The following CDK15 variants were observed in gnomAD, a reference collection of about 807,000 sequenced individuals.
CDK15 encodes cyclin-dependent kinase 15.
A neutral mutation model predicts 60.3 loss-of-function variants in CDK15; 62 were observed. That is an observed-to-expected ratio of 1.03 (90% CI 0.84 to 1.27). CDK15 has a LOEUF of 1.27. Among genes scored for constraint, CDK15 ranks in the 50% most tolerant of loss-of-function variants. The probability of loss-of-function intolerance (pLI) is 0.00; values close to 1 mark genes in which losing one functional copy is unlikely to be tolerated. For missense variants in CDK15, 541 were observed against 527.8 expected (o/e 1.03, Z -0.25); for synonymous variants, 194 against 195.7 (o/e 0.99, Z 0.07).
intron 3 of CDK15, chr2:201,808,659 TA>T (rs1481149449): frequency 6.6e-6 from 1 of 152,194 alleles, no homozygotes; most frequent in Non-Finnish European, 1.5e-5. Context: ...CAATAGTGGT[TA>T]AATATTAATT....
chr2:201,850,193 G>A (rs1259943574), intron 9 of CDK15, among the ~76,000 whole-genome samples: 9 of 152,144 alleles, frequency 5.9e-5, no homozygotes, highest in Admixed American at 5.9e-4. Context: ...CCTACTGCTT[G>A]GGAGGCTGAG....
At chr2:201,821,427 A>G (rs967159) in intron 4 of CDK15, among the ~76,000 whole-genome samples, 37,076 of 151,900 alleles carry the variant, frequency 0.24, 4,813 homozygotes, top group East Asian at 0.41. Context: ...CAGGAGGGCA[A>G]AACGACAGAT....
chr2:201,847,700 A>T (rs937995229), intron 9 of CDK15, among the ~76,000 whole-genome samples: 3 of 152,130 alleles, frequency 2.0e-5, no homozygotes, highest in Admixed American at 2.0e-4. Context: ...TCACTGAATG[A>T]TGTTCAGGTC....
intron 10 of CDK15, among the ~76,000 whole-genome samples, chr2:201,856,908 C>A (rs1698163787): frequency 6.6e-6 from 1 of 152,058 alleles, no homozygotes; most frequent in Non-Finnish European, 1.5e-5. Context: ...TGCTTCCCTG[C>A]CAGATTGTGT....
intron 10 of CDK15, among the ~76,000 whole-genome samples, chr2:201,869,384 T>C (rs536533542): frequency 3.1e-5 from 2 of 65,188 alleles, no homozygotes; most frequent in African/African-American, 1.2e-4. Context: ...TGTCATGGGG[T>C]GGGGGGCAGG....
At chr2:201,814,174 G>C (rs955620580) in intron 4 of CDK15, among the ~76,000 whole-genome samples, 2 of 152,152 alleles carry the variant, frequency 1.3e-5, no homozygotes, top group African/African-American at 2.4e-5. Flanking sequence ...GAAACCTTTT[G>C]CCAGGTTTGC....
rs755364353 is a variant in CDK15, at chr2:201,893,678, C to T, written c.*411C>T. The T allele has an allele frequency of 2.6e-5, 4 of 152,110 alleles. No individual in the cohort carries two copies. Among genetic ancestry groups the T allele is most frequent in the Non-Finnish European group, 5.9e-5 (4 of 68,030 alleles). 9.4% of individuals were successfully genotyped at this position (152,110 alleles called of 1,614,324 possible). ...GAGACAGAGCTGGTGCTTACAGAGA[C>T]CTGCCACTCCTGTGTTCACTTACAA... On this transcript the variant is annotated 3_prime_UTR_variant, in exon 14 of 14. Coordinates refer to ENST00000652192, the MANE Select transcript of CDK15 (RefSeq NM_001366386.2).
intron 9 of CDK15, 39 bp from the exon 10 acceptor site, chr2:201,854,835 C>A: frequency 6.3e-7 from 1 of 1,588,998 alleles, no homozygotes; most frequent in Non-Finnish European, 8.6e-7. Flanking sequence ...CCTCATCTCC[C>A]CACCTCACCT....
At chr2:201,811,511 G>C (rs1175582643) in intron 3 of CDK15, among the ~76,000 whole-genome samples, 2 of 152,186 alleles carry the variant, frequency 1.3e-5, no homozygotes, top group Admixed American at 6.5e-5. Flanking sequence ...TAAGAGAAAA[G>C]TTACATGGAG....
rs1255405168 is a variant in CDK15, at chr2:201,892,201, T to C, written c.*34-1100T>C. 2.0e-5 allele frequency among the ~76,000 whole-genome samples: 3 copies of C among 152,218 alleles called. No individual in the cohort carries two copies. The East Asian group carries it at 5.8e-4, about 29-fold the overall frequency. ...AATTACAATTGGTGATATAATATGGTATTTCCCAAGCAAAATATTCTCTAG... is the reference window on the plus strand; with the variant it reads ...AATTACAATTGGTGATATAATATGGCATTTCCCAAGCAAAATATTCTCTAG... On this transcript the variant is annotated intron_variant, in intron 13 of 13. Transcript: ENST00000652192.
intron 10 of CDK15, chr2:201,860,610 T>C (rs1698348383): frequency 2.1e-6 from 2 of 956,592 alleles, no homozygotes; most frequent in Admixed American, 3.0e-5. Flanking sequence ...AAGAACGTAA[T>C]GAAAATCAAA....
At chr2:201,874,393 A>G (rs1302156683) in intron 11 of CDK15, among the ~76,000 whole-genome samples, 2 of 152,200 alleles carry the variant, frequency 1.3e-5, no homozygotes, top group African/African-American at 2.4e-5. Context: ...TGGGATATAT[A>G]CTATGTACCT....
intron 12 of CDK15, chr2:201,888,508 GGA>G: frequency 2.0e-6 from 3 of 1,533,368 alleles, no homozygotes; most frequent in Non-Finnish European, 2.6e-6. Context: ...AAGCTAATGA[GGA>G]GTCACCAGAG....
chr2:201,880,858 C>T (rs570396452), intron 12 of CDK15, among the ~76,000 whole-genome samples: 7 of 115,304 alleles, frequency 6.1e-5, no homozygotes, highest in African/African-American at 2.3e-4. Context: ...GGGGACTATC[C>T]TTAGGTGAGG....
intron 7 of CDK15, among the ~76,000 whole-genome samples, 157 bp downstream of exon 7, chr2:201,834,128 C>T (rs914796974): frequency 3.9e-5 from 6 of 152,108 alleles, no homozygotes; most frequent in African/African-American, 1.2e-4. Flanking sequence ...GTGTGAGGCA[C>T]GAAACAGGGA....
intron 1 of CDK15, 63 bp downstream of exon 1, chr2:201,806,850 C>T: frequency 6.4e-7 from 1 of 1,558,458 alleles, no homozygotes; most frequent in South Asian, 1.1e-5. Flanking sequence ...CAGACACTCC[C>T]TTTTTGTAGC....
chr2:201,846,557 C>CT (rs967137174), intron 8 of CDK15, among the ~76,000 whole-genome samples: 95 of 148,220 alleles, frequency 6.4e-4, no homozygotes, highest in South Asian at 1.1e-3. Flanking sequence ...AAGAAAAGTC[C>CT]TTTTTTTTTC....
rs1699326366 is a variant in CDK15, at chr2:201,882,701, G to T, written c.1198+2534G>T. ...CGAGCATGTGTGTGTGCTTGTGTAT[G>T]TGTGTGACAGGGTGGTGGGTGTGCA... is the stretch of plus-strand genomic sequence containing the variant. On this transcript the variant is annotated intron_variant, in intron 12 of 13. Transcript: ENST00000652192. The surrounding 1 kb of genome is among the most constrained non-coding windows in gnomAD (Gnocchi z 4.0). Among the ~76,000 whole-genome samples the T allele has an allele frequency of 6.6e-6, 1 of 151,370 alleles. No homozygotes were observed. Among genetic ancestry groups the T allele is most frequent in the Non-Finnish European group, 1.5e-5 (1 of 67,832 alleles).
intron 10 of CDK15, among the ~76,000 whole-genome samples, chr2:201,871,583 C>A (rs2105816828): frequency 6.6e-6 from 1 of 151,996 alleles, no homozygotes; most frequent in South Asian, 2.1e-4. Context: ...TTCTTTTGAT[C>A]TGTTTTGTAT....
Sources: allele counts gnomAD v4.1 joint callset (sites outside exome capture counted in the v4.1 genomes callset), GRCh38; gene constraint gnomAD v4.1.1; non-coding constraint Gnocchi (gnomAD v3.1); transcripts MANE v1.5; gene names NCBI Gene and HGNC (gene_info 2026-07-23, HGNC 2026-07-21).